Variants in SLC25A15 observed in about 807,000 individuals in gnomAD.
SLC25A15 encodes the protein solute carrier family 25 member 15.
In SLC25A15, 24 loss-of-function variants were observed where a neutral mutation model predicts 32.3. That is an observed-to-expected ratio of 0.74 (90% CI 0.54 to 1.04). The LOEUF is 1.04. Among genes scored for constraint, SLC25A15 ranks in the 50% least tolerant of loss-of-function variants. The probability of loss-of-function intolerance (pLI) is 0.00; values close to 1 mark genes in which losing one functional copy is unlikely to be tolerated. For missense variants in SLC25A15, 317 were observed against 374.5 expected, an observed-to-expected ratio of 0.85 and a Z score of 1.27; for synonymous variants, 132 against 142.1, an observed-to-expected ratio of 0.93 and a Z score of 0.51.
chr13:40,807,280 G>C lies in SLC25A15; in HGVS notation c.453-14G>C, dbSNP rs1483915886. The C allele has an allele frequency of 3.7e-6, 6 of 1,613,666 alleles. No individual in the cohort carries two copies. Among genetic ancestry groups the C allele is most frequent in the African/African-American group, 1.3e-5 (1 of 74,882 alleles). On this transcript the variant is annotated splice_polypyrimidine_tract_variant and intron_variant, in intron 4 of 6. Coordinates refer to ENST00000338625, the MANE Select transcript of SLC25A15 (RefSeq NM_014252.4). ...CCTGCTGTAACCGTGCTATCTCTCT[G>C]TGTCTCCTCCCAGTACAGTGTGGTC...
intron 2 of SLC25A15, chr13:40,798,740 T>G: frequency 3.0e-6 from 3 of 984,796 alleles, no homozygotes; most frequent in Non-Finnish European, 2.4e-6. Flanking sequence ...TTGTCCAGGA[T>G]CTCACAGCAA....
At chr13:40,796,002 A>T (rs1881657672) in intron 2 of SLC25A15, among the ~76,000 whole-genome samples, 1 of 151,972 alleles carries the variant, frequency 6.6e-6, no homozygotes, top group Non-Finnish European at 1.5e-5. Context: ...AGCACACTGG[A>T]GGGGAGGGTT....
chr13:40,790,850 G>A (rs1352579646), intron 1 of SLC25A15, among the ~76,000 whole-genome samples: 1 of 152,228 alleles, frequency 6.6e-6, no homozygotes, highest in Non-Finnish European at 1.5e-5. Flanking sequence ...GCCTCCCAAA[G>A]TGCTGGGATT....
At chr13:40,794,111 CG>C (rs1566119589) in intron 2 of SLC25A15, among the ~76,000 whole-genome samples, 1 of 152,148 alleles carries the variant, frequency 6.6e-6, no homozygotes, top group Admixed American at 6.6e-5. Context: ...GAGGCCAAGG[CG>C]GGCAGATCAC....
chr13:40,799,160 G>A lies in SLC25A15; in HGVS notation c.159G>A (p.Lys53=). ...GGGGCCTCACCGACTGCTGCCTGAA[G>A]ACTTACTCCCAGGTGGGCTTCCGTG... The part of the protein sequence containing the change: ...LYRGLTDCCL[K]TYSQVGFRGF... Residue 53 remains lysine, a synonymous_variant, in exon 3 of 7, where the codon AAG becomes AAA. Transcript: ENST00000338625. 1 of 1,614,184 alleles carries A rather than the reference G, an allele frequency of 6.2e-7. No individual in the cohort carries two copies. The highest frequency in any genetic ancestry group is 1.3e-5 in the African/African-American group (1 of 75,048).
chr13:40,790,895 G>C (rs1416868802), intron 1 of SLC25A15, among the ~76,000 whole-genome samples: 1 of 152,138 alleles, frequency 6.6e-6, no homozygotes, highest in Non-Finnish European at 1.5e-5. Context: ...CCTATTTGTA[G>C]AATTTAATGT....
chr13:40,807,120 AATTTCCTTCCC>A (rs1882217327), intron 4 of SLC25A15, among the ~76,000 whole-genome samples, 163 bp from the exon 5 acceptor site: 1 of 152,192 alleles, frequency 6.6e-6, no homozygotes, highest in South Asian at 2.1e-4. Flanking sequence ...ACTGTAAATA[AATTTCCTTCCC>A]ACAGAAGGAT....
Position 40,799,070 on chromosome 13 carries a change from T to G in SLC25A15, c.69T>G (p.Cys23Trp). ...TCCTGATTGCAGGAGGTACAGCATG[T>G]GTACTGACCGGGCAGCCCTTTGACA... Reference protein sequence around the residue: ...LTAGAAGGTACVLTGQPFDTM... With the variant: ...LTAGAAGGTAWVLTGQPFDTM... The change falls in exon 3 of 7, where the codon TGT (cysteine) becomes TGG (tryptophan). Residue 23 changes from cysteine (C) to tryptophan (W), a missense_variant. Cys to Trp is a radical substitution (Grantham distance 215). Transcript: ENST00000338625. 1 of 1,614,194 alleles carries G rather than the reference T, an allele frequency of 6.2e-7. No individual in the cohort carries two copies. Among genetic ancestry groups the G allele is most frequent in the African/African-American group, 1.3e-5 (1 of 75,030 alleles).
At chr13:40,793,780 A>G (rs568104317) in intron 2 of SLC25A15, among the ~76,000 whole-genome samples, 3 of 152,244 alleles carry the variant, frequency 2.0e-5, no homozygotes, top group Non-Finnish European at 4.4e-5. Flanking sequence ...AGAGAGTAGC[A>G]GAAGCTAGAG....
intron 4 of SLC25A15, among the ~76,000 whole-genome samples, chr13:40,806,564 C>T (rs919591621): frequency 1.3e-5 from 2 of 152,176 alleles, no homozygotes; most frequent in Admixed American, 1.3e-4. Flanking sequence ...ATGGGGAATA[C>T]CTGACAGTGT....
chr13:40,810,325 AT>A lies in SLC25A15; in HGVS notation c.*666del, dbSNP rs1452242774. 6.6e-6 allele frequency among the ~76,000 whole-genome samples: 1 copy of A among 151,672 alleles called. No homozygotes were observed. The highest frequency in any genetic ancestry group is 1.9e-4 in the East Asian group (1 of 5,172). On this transcript the variant is annotated 3_prime_UTR_variant, in exon 7 of 7. Coordinates refer to ENST00000338625, the MANE Select transcript of SLC25A15 (RefSeq NM_014252.4). ...AGGTACGCGCCACCATGTCCAGCTAATTTTTTTTGGTATTTTTTGTAGAGAC... is the reference window on the plus strand; with the variant it reads ...AGGTACGCGCCACCATGTCCAGCTAATTTTTTTGGTATTTTTTGTAGAGAC...
chr13:40,792,128 T>C (rs768478505), intron 1 of SLC25A15, among the ~76,000 whole-genome samples: 1 of 152,248 alleles, frequency 6.6e-6, no homozygotes, highest in African/African-American at 2.4e-5. Context: ...TCAACAGTAG[T>C]TGACTTTTGT....
At chr13:40,805,700 T>C (rs1402479455) in intron 4 of SLC25A15, among the ~76,000 whole-genome samples, 2 of 152,194 alleles carry the variant, frequency 1.3e-5, no homozygotes, top group African/African-American at 4.8e-5. Context: ...TAGAGGTAAC[T>C]ATTCTTACCC....
chr13:40,809,610 CTT>C lies in SLC25A15; in HGVS notation c.853_854del (p.Leu285GlyfsTer5). 6.2e-7 allele frequency: 1 copy of C among 1,612,416 alleles called. No individual in the cohort carries two copies. The highest frequency in any genetic ancestry group is 8.5e-7 in the Non-Finnish European group (1 of 1,179,784). ...IRAFPANGAL[F>X]LAYEYSRKLM... ...GAGCATTCCCTGCCAATGGAGCACTCTTTTTGGCCTACGAATATAGCAGGAAG... is the reference window on the plus strand; with the variant it reads ...GAGCATTCCCTGCCAATGGAGCACTCTTTGGCCTACGAATATAGCAGGAAG... On this transcript the variant is annotated frameshift_variant, in exon 7 of 7. Coordinates refer to ENST00000338625, the MANE Select transcript of SLC25A15 (RefSeq NM_014252.4). LOFTEE classifies it high-confidence loss of function.
chr13:40,794,039 T>G (rs1306105263), intron 2 of SLC25A15, among the ~76,000 whole-genome samples: 1 of 152,160 alleles, frequency 6.6e-6, no homozygotes, highest in Admixed American at 6.5e-5. Flanking sequence ...AGGAGGACAC[T>G]CTTAGAAATG....
At chr13:40,791,423 T>C (rs1881499331) in intron 1 of SLC25A15, among the ~76,000 whole-genome samples, 1 of 151,518 alleles carries the variant, frequency 6.6e-6, no homozygotes, top group Non-Finnish European at 1.5e-5. Flanking sequence ...AGTGGCACAA[T>C]CTCGGCTCAC....
At chr13:40,798,111 C>G (rs1292572257) in intron 2 of SLC25A15, among the ~76,000 whole-genome samples, 6 of 152,118 alleles carry the variant, frequency 3.9e-5, no homozygotes, top group African/African-American at 1.2e-4. Flanking sequence ...GAAACCCCAT[C>G]TCTATGAAAA....
chr13:40,802,873 C>T (rs1881954336), intron 3 of SLC25A15, among the ~76,000 whole-genome samples: 1 of 151,984 alleles, frequency 6.6e-6, no homozygotes, highest in African/African-American at 2.4e-5. Context: ...TGCCCTGCCC[C>T]ATCTGTGCTT....
chr13:40,801,328 T>C (rs1881880433), intron 3 of SLC25A15, among the ~76,000 whole-genome samples: 1 of 151,238 alleles, frequency 6.6e-6, no homozygotes, highest in Non-Finnish European at 1.5e-5. Context: ...TTTTTTTCCA[T>C]CCTGAGGAAC....
Sources: allele counts gnomAD v4.1 joint callset (sites outside exome capture counted in the v4.1 genomes callset), GRCh38; gene constraint gnomAD v4.1.1; transcripts MANE v1.5; gene names NCBI Gene and HGNC (gene_info 2026-07-23, HGNC 2026-07-21).